The following DNAI3 variants were observed in gnomAD, a reference collection of about 807,000 sequenced individuals.
DNAI3 encodes WD repeat domain 63.
DNAI3 carries 83 observed loss-of-function variants against 115.5 expected under a neutral mutation model. The observed-to-expected ratio is 0.72, with a 90% CI of 0.60 to 0.86. DNAI3 has a LOEUF of 0.86. DNAI3 is among the 40% of genes least tolerant of loss of function. DNAI3 has a pLI of 0.00. For missense variants in DNAI3, 1,004 were observed against 1,075.8 expected, an observed-to-expected ratio of 0.93 and a Z score of 0.93; for synonymous variants, 320 against 347.0, an observed-to-expected ratio of 0.92 and a Z score of 0.86.
intron 4 of DNAI3, among the ~76,000 whole-genome samples, chr1:85,081,680 G>T (rs531617957): frequency 6.6e-6 from 1 of 152,172 alleles, no homozygotes; most frequent in Non-Finnish European, 1.5e-5. Context: ...TTGAGGCAGG[G>T]TTTCACTCCT....
intron 15 of DNAI3, 70 bp from the exon 16 acceptor site, chr1:85,109,978 C>A: frequency 6.8e-7 from 1 of 1,466,390 alleles, no homozygotes; most frequent in Non-Finnish European, 9.5e-7. Context: ...AAGGGAAAGG[C>A]AAGAATAAAT....
intron 3 of DNAI3, among the ~76,000 whole-genome samples, chr1:85,078,976 G>A (rs189074444): frequency 1.5e-3 from 221 of 152,322 alleles, no homozygotes; most frequent in Middle Eastern, 3.4e-3. Flanking sequence ...AGATAACATA[G>A]AAAACAATCT....
intron 18 of DNAI3, 78 bp downstream of exon 18, chr1:85,121,892 A>C: frequency 6.7e-7 from 1 of 1,492,076 alleles, no homozygotes; most frequent in Non-Finnish European, 9.3e-7. Flanking sequence ...CATGCAGTAC[A>C]GAGTCACCCT....
chr1:85,113,588 G>C (rs1655721541), intron 16 of DNAI3, among the ~76,000 whole-genome samples: 1 of 151,888 alleles, frequency 6.6e-6, no homozygotes, highest in African/African-American at 2.4e-5. Context: ...ACACTGTTTT[G>C]ATTATGCTAG....
chr1:85,089,910 TG>T (rs1654921770), intron 7 of DNAI3, among the ~76,000 whole-genome samples: 1 of 152,188 alleles, frequency 6.6e-6, no homozygotes, highest in Non-Finnish European at 1.5e-5. Context: ...AAGATTTTTT[TG>T]ATTATGTTGG....
chr1:85,072,819 G>T (rs990716540), intron 2 of DNAI3, among the ~76,000 whole-genome samples: 24 of 151,400 alleles, frequency 1.6e-4, no homozygotes, highest in Admixed American at 1.3e-3. Flanking sequence ...GCCGGGTGTG[G>T]TGGCGGGCGC....
intron 17 of DNAI3, among the ~76,000 whole-genome samples, 173 bp from the exon 18 acceptor site, chr1:85,121,578 A>G (rs567115699): frequency 6.6e-6 from 1 of 152,344 alleles, no homozygotes; most frequent in South Asian, 2.1e-4. Flanking sequence ...TCAATATAAA[A>G]TTGAGTACTC....
At chr1:85,069,214 C>T (rs1654189232) in intron 1 of DNAI3, among the ~76,000 whole-genome samples, 1 of 152,096 alleles carries the variant, frequency 6.6e-6, no homozygotes, top group Admixed American at 6.6e-5. Flanking sequence ...ATGATCCTTC[C>T]CCAGAACCTT....
At chr1:85,128,339 C>T (rs559484229) in intron 20 of DNAI3, among the ~76,000 whole-genome samples, 97 of 152,266 alleles carry the variant, frequency 6.4e-4, no homozygotes, top group African/African-American at 2.2e-3. Context: ...AACTTCATAA[C>T]TTTTCTTTGA....
chr1:85,084,591 C>G lies in DNAI3; in HGVS notation c.436C>G (p.Pro146Ala). ...ACAAGAAGAATATAAAGAACATATT[C>G]CTGAAGATGTGTATATTTATAAACC... ...EEQEEYKEHI[P>A]EDVYIYKPPV... is the part of the protein sequence containing the mutation. Residue 146 changes from proline (P) to alanine (A), a missense_variant, in exon 6 of 23, where the codon CCT (proline) becomes GCT (alanine). This residue lies in a region of DNAI3 where 550 missense variants were observed against 568.1 expected (regional missense o/e 0.97). Transcript: ENST00000294664. The G allele has an allele frequency of 6.4e-7, 1 of 1,552,276 alleles. No homozygotes were observed. Among genetic ancestry groups the G allele is most frequent in the Non-Finnish European group, 8.7e-7 (1 of 1,151,268 alleles).
intron 7 of DNAI3, among the ~76,000 whole-genome samples, chr1:85,087,175 C>T (rs572164234): frequency 1.4e-4 from 22 of 152,208 alleles, no homozygotes; most frequent in African/African-American, 3.1e-4. Context: ...CCGTGACTCA[C>T]GCCTTTAATC....
At chr1:85,104,416 C>T (rs963636323) in intron 13 of DNAI3, 108 bp from the exon 14 acceptor site, 10 of 943,476 alleles carry the variant, frequency 1.1e-5, no homozygotes, top group Admixed American at 8.5e-5. Flanking sequence ...CCACTGCCCC[C>T]GGCCGGTATG....
At chr1:85,081,934 C>T (rs895011516) in intron 4 of DNAI3, among the ~76,000 whole-genome samples, 1 of 152,232 alleles carries the variant, frequency 6.6e-6, no homozygotes, top group African/African-American at 2.4e-5. Flanking sequence ...AGCCACCGTG[C>T]TCCGCCTTTG....
chr1:85,120,779 G>C (rs1655974381), intron 17 of DNAI3, among the ~76,000 whole-genome samples: 1 of 152,160 alleles, frequency 6.6e-6, no homozygotes. Context: ...AGTAGAGAGA[G>C]GGCTTGTCCT....
intron 1 of DNAI3, among the ~76,000 whole-genome samples, chr1:85,065,713 C>T (rs1220525165): frequency 6.6e-6 from 1 of 152,224 alleles, no homozygotes; most frequent in Non-Finnish European, 1.5e-5. Flanking sequence ...GTTTTTAACA[C>T]AAGTGGCTCC....
Position 85,105,885 on chromosome 1 carries a change from C to G in DNAI3, c.1553+1288C>G, listed in dbSNP as rs551149659. On this transcript the variant is annotated intron_variant, in intron 14 of 22. Coordinates refer to ENST00000294664, the MANE Select transcript of DNAI3 (RefSeq NM_145172.5). The stretch of plus-strand genomic sequence containing the variant: ...ATCCCTTTAGCCAGGAAAGAAATGA[C>G]AGAGCACCTTGAGTGACGATCCCAA... Among the ~76,000 whole-genome samples, 9 of 152,310 alleles carry G rather than the reference C, an allele frequency of 5.9e-5. No individual in the cohort carries two copies. The South Asian group carries it at 1.9e-3, about 32-fold the overall frequency.
intron 15 of DNAI3, 72 bp from the exon 16 acceptor site, chr1:85,109,976 G>A: frequency 6.9e-7 from 1 of 1,454,848 alleles, no homozygotes; most frequent in Non-Finnish European, 9.6e-7. Flanking sequence ...AGAAGGGAAA[G>A]GCAAGAATAA....
At chr1:85,078,522 C>T (rs1654532153) in intron 3 of DNAI3, among the ~76,000 whole-genome samples, 1 of 152,194 alleles carries the variant, frequency 6.6e-6, no homozygotes, top group African/African-American at 2.4e-5. Flanking sequence ...AGCAACCAGC[C>T]TCCCACTCTG....
rs1410534597 is a variant in DNAI3, at chr1:85,108,038, T to C, written c.1559T>C (p.Ile520Thr). 6.4e-7 allele frequency: 1 copy of C among 1,561,756 alleles called. No individual in the cohort carries two copies. The highest frequency in any genetic ancestry group is 1.4e-5 in the African/African-American group (1 of 72,368). Residue 520 changes from isoleucine (I) to threonine (T), a missense_variant, in exon 15 of 23, where the codon ATA becomes ACA. Ile to Thr is a moderately conservative substitution (Grantham distance 89, BLOSUM62 -1). Coordinates refer to ENST00000294664, the MANE Select transcript of DNAI3 (RefSeq NM_145172.5). ...QLVTCSADCT[I>T]CFWDIRPQKP... ...TATATATAAATTTTTTTTAGCACAA[T>C]ATGTTTTTGGGATATTAGACCACAG...
Sources: allele counts gnomAD v4.1 joint callset (sites outside exome capture counted in the v4.1 genomes callset), GRCh38; gene constraint gnomAD v4.1.1; regional missense constraint gnomAD v4.1.1; transcripts MANE v1.5; gene names NCBI Gene and HGNC (gene_info 2026-07-23, HGNC 2026-07-21).